Variants in COL4A4 observed in about 807,000 individuals in gnomAD.
COL4A4 encodes the protein collagen type IV alpha 4 chain.
Under a neutral mutation model 192.9 loss-of-function variants are expected in COL4A4, and 105 were observed. The observed-to-expected ratio is 0.54, with a 90% confidence interval of 0.46 to 0.64. The LOEUF is 0.64. Among genes scored for constraint, COL4A4 ranks in the 30% least tolerant of loss-of-function variants. COL4A4 has a pLI of 0.00. For synonymous variants in COL4A4, 762 were observed against 769.9 expected, an observed-to-expected ratio of 0.99 and a Z score of 0.17; for missense variants, 1,967 against 2,169.3, an observed-to-expected ratio of 0.91 and a Z score of 1.85.
At chr2:227,044,420 T>C (rs912431461) in intron 35 of COL4A4, among the ~76,000 whole-genome samples, 2 of 152,228 alleles carry the variant, frequency 1.3e-5, no homozygotes, top group African/African-American at 4.8e-5. Context: ...TATGTCTCTG[T>C]ATTTACAAAC....
intron 8 of COL4A4, among the ~76,000 whole-genome samples, chr2:227,114,118 C>G (rs1200459095): frequency 6.6e-6 from 1 of 152,244 alleles, no homozygotes; most frequent in Non-Finnish European, 1.5e-5. Flanking sequence ...GTGACTTTTA[C>G]TGTACTGGAT....
chr2:227,088,514 C>T, intron 22 of COL4A4, 139 bp downstream of exon 22: 1 of 1,118,434 alleles, frequency 8.9e-7, no homozygotes, highest in Non-Finnish European at 1.3e-6. Context: ...GGCCTCCCCA[C>T]CCATACAGAA....
At chr2:227,161,567 T>G (rs944089523) in intron 1 of COL4A4, among the ~76,000 whole-genome samples, 1 of 152,202 alleles carries the variant, frequency 6.6e-6, no homozygotes, top group Non-Finnish European at 1.5e-5. Flanking sequence ...CAGGTGAGCC[T>G]GTCAAACATT....
chr2:227,008,767 G>A (rs983810757), intron 46 of COL4A4, among the ~76,000 whole-genome samples: 15 of 152,192 alleles, frequency 9.9e-5, no homozygotes, highest in South Asian at 2.1e-4. Flanking sequence ...GAGATATACC[G>A]TCAGAGGGGG....
the COL4A4 span, among the ~76,000 whole-genome samples, chr2:226,976,811 G>A: frequency 3.9e-5 from 6 of 152,156 alleles, no homozygotes; most frequent in African/African-American, 1.4e-4. Flanking sequence ...TGGGTCACAA[G>A]GGCAGTGATA....
At chr2:227,056,183 T>A in intron 29 of COL4A4, 68 bp from the exon 30 acceptor site, 1 of 1,374,786 alleles carries the variant, frequency 7.3e-7, no homozygotes, top group Non-Finnish European at 1.0e-6. Flanking sequence ...GCAGGAAAAA[T>A]ATACAGTAGC....
chr2:227,114,979 C>T (rs1170345607), intron 7 of COL4A4, among the ~76,000 whole-genome samples: 1 of 152,028 alleles, frequency 6.6e-6, no homozygotes, highest in Admixed American at 6.6e-5. Context: ...CAATATAAAA[C>T]ACATGCATTG....
chr2:227,039,904 G>A (rs534354911), intron 37 of COL4A4, among the ~76,000 whole-genome samples: 3 of 152,308 alleles, frequency 2.0e-5, no homozygotes, highest in South Asian at 4.1e-4. Flanking sequence ...CAATGAAGAC[G>A]GAGAACAGTA....
At chr2:227,045,539 G>A (rs1462968147) in intron 35 of COL4A4, among the ~76,000 whole-genome samples, 8 of 151,804 alleles carry the variant, frequency 5.3e-5, no homozygotes, top group Non-Finnish European at 1.0e-4. Flanking sequence ...GGAAGCCAAG[G>A]CAGGCAGATC....
intron 37 of COL4A4, among the ~76,000 whole-genome samples, chr2:227,040,670 A>G (rs1030290532): frequency 2.0e-5 from 3 of 151,660 alleles, no homozygotes; most frequent in Admixed American, 1.3e-4. Context: ...GGTTCAAGCA[A>G]TTCTCCTGCC....
At chr2:227,121,603 T>C (rs60345141) in intron 4 of COL4A4, among the ~76,000 whole-genome samples, 1 of 130,182 alleles carries the variant, frequency 7.7e-6, no homozygotes, top group East Asian at 2.2e-4. Context: ...CAAGAAAAGA[T>C]AAAAGGAAAA....
At chr2:227,115,524 G>A (rs972549940) in intron 7 of COL4A4, among the ~76,000 whole-genome samples, 7 of 151,754 alleles carry the variant, frequency 4.6e-5, no homozygotes, top group East Asian at 1.9e-4. Context: ...CACCCGCCTC[G>A]GCCTCCCAAA....
At position 227,050,244 on chromosome 2, in the gene COL4A4, G is replaced by A. The variant is rs372724449; in HGVS notation, c.3151-113C>T. The A allele has an allele frequency of 2.6e-5, 25 of 958,870 alleles. No homozygotes were observed. The African/African-American group carries it at 3.7e-4, about 14-fold the overall frequency. The allele number at this position is 958,870 out of a possible 1,614,324, so 59.4% of individuals were successfully genotyped here. Reference sequence around the variant, plus strand: ...ACTAATTTGGTTTTTGTAATCTGCAGTGGTAACGAAAGTTTAAATGCATGC... The same window carrying A: ...ACTAATTTGGTTTTTGTAATCTGCAATGGTAACGAAAGTTTAAATGCATGC... On this transcript the variant is annotated intron_variant, in intron 33 of 47. Coordinates refer to ENST00000396625, the MANE Select transcript of COL4A4 (RefSeq NM_000092.5).
intron 22 of COL4A4, among the ~76,000 whole-genome samples, chr2:227,088,287 T>A (rs969300883): frequency 6.6e-6 from 1 of 152,162 alleles, no homozygotes; most frequent in African/African-American, 2.4e-5. Context: ...CATCTCGAAT[T>A]GTAATCGCCA....
At chr2:227,066,843 C>A (rs2058371659) in intron 25 of COL4A4, among the ~76,000 whole-genome samples, 1 of 151,794 alleles carries the variant, frequency 6.6e-6, no homozygotes, top group African/African-American at 2.4e-5. Flanking sequence ...ATCATCATGA[C>A]AGGATCAAAT....
chr2:227,094,078 T>C (rs1229732119), intron 20 of COL4A4, 47 bp downstream of exon 20: 1 of 1,559,980 alleles, frequency 6.4e-7, no homozygotes, highest in Non-Finnish European at 8.8e-7. Context: ...ACTGCAAATA[T>C]CAAAAGCAGC....
At chr2:226,988,560 G>C in the COL4A4 span, 5 of 1,390,698 alleles carry the variant, frequency 3.6e-6, no homozygotes, top group Admixed American at 6.5e-5. Context: ...CTGCGGACTG[G>C]TGTGGAATCT....
intron 15 of COL4A4, 123 bp downstream of exon 15, chr2:227,102,666 T>G: frequency 1.2e-6 from 1 of 823,090 alleles, no homozygotes; most frequent in Non-Finnish European, 2.1e-6. Context: ...TCGTCCAAAA[T>G]GTTTTGTTCT....
chr2:227,129,978 G>A (rs144672009), intron 4 of COL4A4, among the ~76,000 whole-genome samples: 1 of 151,900 alleles, frequency 6.6e-6, no homozygotes, highest in Non-Finnish European at 1.5e-5. Flanking sequence ...AATTCAACCA[G>A]TCAGCCACTG....
Sources: gnomAD v4.1 joint callset for allele counts (sites outside exome capture counted in the v4.1 genomes callset) on GRCh38, gnomAD v4.1.1 for gene constraint, MANE v1.5 for transcripts, NCBI Gene and HGNC (gene_info 2026-07-23, HGNC 2026-07-21) for gene names.